Variants in ATR observed in about 807,000 individuals in gnomAD.
ATR encodes the protein ATR checkpoint kinase.
In ATR, 142 loss-of-function variants were observed where a neutral mutation model predicts 305.3. The ratio of observed to expected loss-of-function variants is 0.47; its 90% CI spans 0.41 to 0.53. The LOEUF (loss-of-function observed/expected upper bound fraction) is 0.53. Among genes scored for constraint, ATR ranks in the 20% least tolerant of loss-of-function variants. The probability of loss-of-function intolerance (pLI) is 0.00; values close to 1 mark genes in which losing one functional copy is unlikely to be tolerated. For missense variants in ATR, 2,135 were observed against 3,133.1 expected (o/e 0.68, Z 7.60); for synonymous variants, 1,050 against 1,068.1 (o/e 0.98, Z 0.33).
chr3:142,511,637 C>T (rs1003532934), intron 27 of ATR, among the ~76,000 whole-genome samples: 2 of 151,516 alleles, frequency 1.3e-5, no homozygotes, highest in African/African-American at 4.9e-5. Flanking sequence ...GCCTGGGCAA[C>T]AGAGCAAGAC....
Position 142,469,575 on chromosome 3 carries a change from G to A in ATR, c.6320-6C>T, listed in dbSNP as rs1284321632. On this transcript the variant is annotated splice_polypyrimidine_tract_variant and splice_region_variant and intron_variant, in intron 37 of 46. Transcript: ENST00000350721. ...TACACGATCGGAGCGGCCAGCTGGG[G>A]GAAGAAATAAGTTTAAAAAACAATA... 1 of 1,601,646 alleles carries A rather than the reference G, an allele frequency of 6.2e-7. No homozygotes were observed. Among genetic ancestry groups the A allele is most frequent in the East Asian group, 2.2e-5 (1 of 44,824 alleles).
chr3:142,530,986 TAC>T (rs1167127319), intron 21 of ATR, among the ~76,000 whole-genome samples: 3 of 152,236 alleles, frequency 2.0e-5, no homozygotes, highest in Non-Finnish European at 2.9e-5. Context: ...TCTTTTTTTA[TAC>T]AGTCTCATCA....
In ATR at chr3:142,453,313, ATGAGAAGC is replaced by A. The variant is rs1383042653; in HGVS notation, c.7656-88_7656-81del. The A allele has an allele frequency of 8.1e-6, 12 of 1,474,306 alleles. No homozygotes were observed. The East Asian group carries it at 2.8e-4, about 34-fold the overall frequency. 91.3% of individuals were successfully genotyped at this position (1,474,306 alleles called of 1,614,324 possible). ...GCTGACATCAATATTTAAGTGAAGG[ATGAGAAGC>A]TAATGGTAATACTCTTATAATACAC... On this transcript the variant is annotated intron_variant, in intron 45 of 46. Transcript: ENST00000350721.
At chr3:142,514,600 C>G (rs1283745672) in intron 25 of ATR, among the ~76,000 whole-genome samples, 4 of 150,698 alleles carry the variant, frequency 2.7e-5, no homozygotes, top group African/African-American at 9.8e-5. Flanking sequence ...CGCCACTGCA[C>G]TCCAGCCTGG....
chr3:142,562,470 C>CTA lies in ATR; in HGVS notation c.930_931dup (p.Arg311IlefsTer9), dbSNP rs1342520086. 6.2e-7 allele frequency: 1 copy of CTA among 1,614,136 alleles called. No homozygotes were observed. Among genetic ancestry groups the CTA allele is most frequent in the South Asian group, 1.1e-5 (1 of 91,076 alleles). ...ATTTAAATAGACAGGTTCAATATTT[C>CTA]TATAAGCTTCTGCTTCAAAGGGAAA... On this transcript the variant is annotated frameshift_variant, in exon 4 of 47. Transcript: ENST00000350721. LOFTEE classifies it high-confidence loss of function.
In ATR at chr3:142,451,354, T is replaced by C. The variant is rs562831160; in HGVS notation, c.7762-1752A>G. 2.3e-3 allele frequency: 3,121 copies of C among 1,339,860 alleles called. 14 individuals are homozygous for C. Among genetic ancestry groups the C allele is most frequent in the South Asian group, 3.7e-3 (284 of 77,560 alleles). 83.0% of individuals were successfully genotyped at this position (1,339,860 alleles called of 1,614,324 possible). A position where few individuals can be genotyped will look rare whatever the true frequency, so the allele number is the denominator to read the frequency against. On this transcript the variant is annotated intron_variant, in intron 46 of 46. Transcript: ENST00000350721. Reference sequence around the variant, plus strand: ...GCAACAAAAAATTTTCAAGATTTAGTGGAAGGTGTGTTTTACATACATAAC... The same window carrying C: ...GCAACAAAAAATTTTCAAGATTTAGCGGAAGGTGTGTTTTACATACATAAC...
chr3:142,557,167 C>T (rs1414922242), intron 8 of ATR, among the ~76,000 whole-genome samples: 5 of 151,976 alleles, frequency 3.3e-5, no homozygotes, highest in Non-Finnish European at 7.4e-5. Context: ...CTTTCTTTCT[C>T]TCTCTTTTTT....
chr3:142,459,386 G>C lies in ATR; in HGVS notation c.7193-3C>G, dbSNP rs2108262118. ...TTCTTTTCCTGTCATATACACTCCT[G>C]CAAGGAAGAGTGATATCCATTAATC... On this transcript the variant is annotated splice_polypyrimidine_tract_variant and splice_region_variant and intron_variant, in intron 42 of 46. Coordinates refer to ENST00000350721, the MANE Select transcript of ATR (RefSeq NM_001184.4). 1.2e-6 allele frequency: 2 copies of C among 1,613,654 alleles called. No homozygotes were observed. The highest frequency in any genetic ancestry group is 1.7e-6 in the Non-Finnish European group (2 of 1,179,736).
intron 15 of ATR, 29 bp downstream of exon 15, chr3:142,549,450 A>T: frequency 7.0e-7 from 1 of 1,431,278 alleles, no homozygotes; most frequent in Non-Finnish European, 9.3e-7. Context: ...TTATATAAAA[A>T]AGTAAAATAT....
intron 31 of ATR, 101 bp from the exon 32 acceptor site, chr3:142,498,875 G>A: frequency 1.7e-6 from 2 of 1,181,446 alleles, no homozygotes; most frequent in South Asian, 2.7e-5. Flanking sequence ...TCAAACAGGT[G>A]GCTTCATTCC....
At chr3:142,538,897 G>A (rs544798482) in intron 18 of ATR, among the ~76,000 whole-genome samples, 53 of 152,186 alleles carry the variant, frequency 3.5e-4, no homozygotes, top group African/African-American at 1.2e-3. Flanking sequence ...CTTTTACAGA[G>A]GGTGGATATA....
At chr3:142,455,847 A>G (rs1360564241) in intron 45 of ATR, among the ~76,000 whole-genome samples, 2 of 152,260 alleles carry the variant, frequency 1.3e-5, no homozygotes, top group Non-Finnish European at 2.9e-5. Context: ...CTTAGATATG[A>G]CAACAGAAAC....
In ATR at chr3:142,485,076, C is replaced by A. The variant is rs894688212; in HGVS notation, c.6221+64G>T. 8 of 1,590,576 alleles carry A rather than the reference C, an allele frequency of 5.0e-6. No homozygotes were observed. In the African/African-American group the frequency reaches 1.1e-4, roughly 21 times the overall value. On this transcript the variant is annotated intron_variant, in intron 36 of 46. Coordinates refer to ENST00000350721, the MANE Select transcript of ATR (RefSeq NM_001184.4). The stretch of plus-strand genomic sequence containing the variant: ...TAGAATATGCTAAGACATGTGATAA[C>A]AGTTTCAATATTAATAGTCATCCTT...
intron 34 of ATR, among the ~76,000 whole-genome samples, chr3:142,493,772 G>A (rs2031426072): frequency 6.6e-6 from 1 of 152,154 alleles, no homozygotes; most frequent in South Asian, 2.1e-4. Context: ...GGAGGCTGAG[G>A]GGGAAGGATC....
chr3:142,476,614 T>C, intron 36 of ATR, among the ~76,000 whole-genome samples: 1 of 152,204 alleles, frequency 6.6e-6, no homozygotes, highest in East Asian at 1.9e-4. Context: ...AAAGTAGTTT[T>C]TTCCAATTCT....
At chr3:142,558,801 T>C (rs1288972583) in intron 7 of ATR, 25 bp from the exon 8 acceptor site, 1 of 1,577,722 alleles carries the variant, frequency 6.3e-7, no homozygotes, top group Non-Finnish European at 8.7e-7. Context: ...AATAAGTCAT[T>C]AATTATAACT....
Position 142,538,586 on chromosome 3 carries a change from A to G in ATR, c.3621T>C (p.Cys1207=). The G allele has an allele frequency of 6.2e-7, 1 of 1,613,628 alleles. No homozygotes were observed. Among genetic ancestry groups the G allele is most frequent in the Non-Finnish European group, 8.5e-7 (1 of 1,179,660 alleles). The change falls in exon 19 of 47, where the codon TGT becomes TGC. Residue 1207 remains cysteine (C), a synonymous_variant. Transcript: ENST00000350721. ...TTACATGACTGAGAAGGGAGCCCAG[A>G]CAAGCATGATCCAGGCAGCGAACAA... ...DCFVRCLDHA[C]LGSLLSHVIV...
intron 1 of ATR, among the ~76,000 whole-genome samples, chr3:142,575,455 C>T (rs568319328): frequency 7.8e-4 from 104 of 133,078 alleles, no homozygotes; most frequent in African/African-American, 2.5e-3. Context: ...CTGGAGAGGG[C>T]GAGACTCCGT....
At chr3:142,504,262 G>T (rs757769700) in intron 29 of ATR, among the ~76,000 whole-genome samples, 30 of 152,136 alleles carry the variant, frequency 2.0e-4, no homozygotes, top group Admixed American at 1.0e-3. Flanking sequence ...GGGTGAGTAG[G>T]TGTATAAAAT....
Sources: gnomAD v4.1 joint callset for allele counts (sites outside exome capture counted in the v4.1 genomes callset) on GRCh38, gnomAD v4.1.1 for gene constraint, MANE v1.5 for transcripts, NCBI Gene and HGNC (gene_info 2026-07-23, HGNC 2026-07-21) for gene names.